POFUT2: variants seen among roughly 807,000 people sequenced by gnomAD.
The protein encoded by POFUT2 is GDP-fucose protein O-fucosyltransferase 2.
A neutral mutation model predicts 55.0 loss-of-function variants in POFUT2; 30 were observed. That is an observed-to-expected ratio of 0.55 (90% CI 0.41 to 0.74). The LOEUF (loss-of-function observed/expected upper bound fraction) is 0.74. Ranked by LOEUF, POFUT2 falls within the 30% of genes least tolerant of loss-of-function variation. The pLI is 0.00. For missense variants in POFUT2, 524 were observed against 562.6 expected (o/e 0.93, Z 0.69); for synonymous variants, 267 against 231.1 (o/e 1.16, Z -1.41).
chr21:45,283,319 G>T, intron 3 of POFUT2, 64 bp downstream of exon 3: 1 of 834,948 alleles, frequency 1.2e-6, no homozygotes, highest in Middle Eastern at 4.1e-4. Flanking sequence ...GGGGGGGGGG[G>T]GACGCATGCG....
intron 6 of POFUT2, among the ~76,000 whole-genome samples, chr21:45,275,958 G>A (rs1392445124): frequency 6.6e-6 from 1 of 152,218 alleles, no homozygotes; most frequent in African/African-American, 2.4e-5. Flanking sequence ...GGAGGCCAAG[G>A]CGGGTGGATT....
rs1451291814 is a variant in POFUT2 at position 45,281,699 on chromosome 21, T to C, written c.638+650A>G. Among the ~76,000 whole-genome samples, 2 of 151,858 alleles carry C rather than the reference T, an allele frequency of 1.3e-5. No individual in the cohort carries two copies. ...CCCGTGCCCTGCTATGCCTGGTCTA[T>C]GGGAGACGCTCACAGTGCCTGCTGG... is the stretch of plus-strand genomic sequence containing the variant. On this transcript the variant is annotated intron_variant, in intron 4 of 8. Transcript: ENST00000349485. This position sits in a 1 kb window ranked among gnomAD's most constrained non-coding sequence, Gnocchi z 5.0.
intron 1 of POFUT2, 124 bp downstream of exon 1, chr21:45,287,617 C>T (rs1472173882): frequency 1.2e-6 from 1 of 858,584 alleles, no homozygotes; most frequent in African/African-American, 2.0e-5. Flanking sequence ...CACCCTCCAT[C>T]CCGTGGGCCT....
At chr21:45,271,218 T>C (rs976555344) in intron 6 of POFUT2, among the ~76,000 whole-genome samples, 1 of 151,500 alleles carries the variant, frequency 6.6e-6, no homozygotes. Flanking sequence ...CAATTGCAAC[T>C]TCTGGAAATG....
rs112438803 is a variant in POFUT2, at chr21:45,277,362, G to A, written c.706-220C>T. 1,215 of 566,702 alleles carry A rather than the reference G, an allele frequency of 2.1e-3. 13 individuals carry two copies. The highest frequency in any genetic ancestry group is 0.021 in the African/African-American group (1,106 of 53,010). The allele number at this position is 566,702 out of a possible 1,614,324, so 35.1% of individuals were successfully genotyped here. ...GCAGGGCAAGCCGCCCACCCCTGCC[G>A]GCTCTGCCAGCCCCTGCCGTGGGAA... On this transcript the variant is annotated intron_variant, in intron 5 of 8. Transcript: ENST00000349485. The surrounding 1 kb of genome is among the most constrained non-coding windows in gnomAD (Gnocchi z 6.9).
At chr21:45,266,745 A>C in intron 8 of POFUT2, 1 of 997,848 alleles carries the variant, frequency 1.0e-6, no homozygotes, top group Non-Finnish European at 1.2e-6. Flanking sequence ...CAGATGTGTG[A>C]AGAGGCACCG....
chr21:45,279,540 C>A (rs80077970), intron 4 of POFUT2, among the ~76,000 whole-genome samples: 1 of 152,212 alleles, frequency 6.6e-6, no homozygotes, highest in Non-Finnish European at 1.5e-5. Context: ...GAAACACACA[C>A]GAACAGAGCA....
rs886421178 is a variant in POFUT2, at chr21:45,270,452, T to C, written c.832-433A>G. Among the ~76,000 whole-genome samples the C allele has an allele frequency of 7.9e-5, 12 of 152,120 alleles. No individual in the cohort carries two copies. Among genetic ancestry groups the C allele is most frequent in the Admixed American group, 6.5e-5 (1 of 15,278 alleles). On this transcript the variant is annotated intron_variant, in intron 6 of 8. Transcript: ENST00000349485. This position sits in a 1 kb window ranked among gnomAD's most constrained non-coding sequence, Gnocchi z 4.6. ...CCTGGCTGGAGGCCACCAACGCAAA[T>C]GGCTACAGCAAATTCTAACCAACAA...
intron 4 of POFUT2, among the ~76,000 whole-genome samples, chr21:45,280,419 G>A (rs1047191574): frequency 6.6e-6 from 1 of 152,174 alleles, no homozygotes. Flanking sequence ...GTGTTTTCCT[G>A]GTCCGGGGAG....
chr21:45,270,143 C>T lies in POFUT2; in HGVS notation c.832-124G>A. Reference sequence around the variant, plus strand: ...CCATGTGGCCTCCTCCACGGGGTGGCTCCAGGGCTGTCTAAGGGATTCAGG... The same window carrying T: ...CCATGTGGCCTCCTCCACGGGGTGGTTCCAGGGCTGTCTAAGGGATTCAGG... On this transcript the variant is annotated intron_variant, in intron 6 of 8. Transcript: ENST00000349485. This position sits in a 1 kb window ranked among gnomAD's most constrained non-coding sequence, Gnocchi z 4.6. 1.6e-6 allele frequency: 1 copy of T among 631,012 alleles called. No homozygotes were observed. The highest frequency in any genetic ancestry group is 3.3e-5 in the East Asian group (1 of 29,960). The allele number at this position is 631,012 out of a possible 1,614,324, so 39.1% of individuals were successfully genotyped here.
rs1376365836 is a variant in POFUT2, at chr21:45,285,853, G to A, written c.207C>T (p.Leu69=). ...CCTCCGTCTTCAGCAGAGTCTTCAGGAGAGAGGCGATTCGGATATAGACAT... is the reference window on the plus strand; with the variant it reads ...CCTCCGTCTTCAGCAGAGTCTTCAGAAGAGAGGCGATTCGGATATAGACAT... ...RRDVYIRIAS[L]LKTLLKTEEW... The change falls in exon 2 of 9, where the codon CTC becomes CTT. Residue 69 remains leucine, a synonymous_variant. Coordinates refer to ENST00000349485, the MANE Select transcript of POFUT2 (RefSeq NM_133635.6). The surrounding 1 kb of genome is among the most constrained non-coding windows in gnomAD (Gnocchi z 4.9). The A allele has an allele frequency of 1.9e-6, 3 of 1,613,386 alleles. No individual in the cohort carries two copies. Among genetic ancestry groups the A allele is most frequent in the East Asian group, 2.2e-5 (1 of 44,880 alleles).
rs967069161 is a variant in POFUT2, at chr21:45,267,063, C to G, written c.1136+527G>C. The G allele has an allele frequency of 6.4e-6, 7 of 1,099,980 alleles. No individual in the cohort carries two copies. The highest frequency in any genetic ancestry group is 7.8e-6 in the Non-Finnish European group (7 of 899,754). 68.1% of individuals were successfully genotyped at this position (1,099,980 alleles called of 1,614,324 possible). ...ACGAGAATGATCACACGAGGGCCCA[C>G]GCTCCCGGCCTCGGGGACGCTCACG... On this transcript the variant is annotated intron_variant, in intron 8 of 8. Transcript: ENST00000349485. The surrounding 1 kb of genome is among the most constrained non-coding windows in gnomAD (Gnocchi z 4.4).
chr21:45,265,411 G>T lies in POFUT2; in HGVS notation c.*71C>A. The T allele has an allele frequency of 7.1e-7, 1 of 1,399,590 alleles. No homozygotes were observed. Among genetic ancestry groups the T allele is most frequent in the East Asian group, 2.3e-5 (1 of 43,388 alleles). The allele number at this position is 1,399,590 out of a possible 1,614,324, so 86.7% of individuals were successfully genotyped here. ...CAGCTCCCGGCTGGCAGTAGACGGT[G>T]ACTCCACGGCGACAGAACCTGCATC... On this transcript the variant is annotated 3_prime_UTR_variant, in exon 9 of 9. Transcript: ENST00000349485. This position sits in a 1 kb window ranked among gnomAD's most constrained non-coding sequence, Gnocchi z 4.6.
chr21:45,278,501 C>T (rs1265878098), intron 4 of POFUT2, among the ~76,000 whole-genome samples: 1 of 152,142 alleles, frequency 6.6e-6, no homozygotes, highest in Admixed American at 6.5e-5. Flanking sequence ...AAGCTGCAGG[C>T]GTGCCTGAGG....
rs1193006551 is a variant in POFUT2, at chr21:45,267,258, ACT to A, written c.1136+330_1136+331del. 2.8e-6 allele frequency: 4 copies of A among 1,435,440 alleles called. No individual in the cohort carries two copies. Among genetic ancestry groups the A allele is most frequent in the East Asian group, 5.0e-5 (2 of 39,848 alleles). The allele number at this position is 1,435,440 out of a possible 1,614,324, so 88.9% of individuals were successfully genotyped here. A position where few individuals can be genotyped will look rare whatever the true frequency, so the allele number is the denominator to read the frequency against. On this transcript the variant is annotated intron_variant, in intron 8 of 8. Coordinates refer to ENST00000349485, the MANE Select transcript of POFUT2 (RefSeq NM_133635.6). The surrounding 1 kb of genome is among the most constrained non-coding windows in gnomAD (Gnocchi z 4.4). ...CATGCCCAAGTCCAGGGCACGGGCA[ACT>A]CTCAGGGCAGGGGGCAGACAGGGGC...
chr21:45,268,492 AGT>A (rs1456851922), intron 7 of POFUT2, among the ~76,000 whole-genome samples: 1 of 150,162 alleles, frequency 6.7e-6, no homozygotes, highest in African/African-American at 2.5e-5. Context: ...CAGTCTGGAA[AGT>A]GAGGAGCATC....
chr21:45,268,710 C>T (rs1298559569), intron 7 of POFUT2, among the ~76,000 whole-genome samples: 1 of 151,352 alleles, frequency 6.6e-6, no homozygotes, highest in African/African-American at 2.4e-5. Context: ...CTCTGCCCGG[C>T]CGCCCCGTCT....
chr21:45,270,327 C>T lies in POFUT2; in HGVS notation c.832-308G>A, dbSNP rs766035984. Among the ~76,000 whole-genome samples, 5 of 152,076 alleles carry T rather than the reference C, an allele frequency of 3.3e-5. No individual in the cohort carries two copies. Among genetic ancestry groups the T allele is most frequent in the Non-Finnish European group, 7.4e-5 (5 of 68,016 alleles). On this transcript the variant is annotated intron_variant, in intron 6 of 8. Transcript: ENST00000349485. This position sits in a 1 kb window ranked among gnomAD's most constrained non-coding sequence, Gnocchi z 4.6. ...TTTCCTCCGAGAACCACCGCAGGGA[C>T]GTGCCACAAAGAGTTCACGGATCCT...
At position 45,265,972 on chromosome 21, in the gene POFUT2, C is replaced by A; in HGVS notation, c.1137-337G>T. On this transcript the variant is annotated intron_variant, in intron 8 of 8. Coordinates refer to ENST00000349485, the MANE Select transcript of POFUT2 (RefSeq NM_133635.6). The surrounding 1 kb of genome is among the most constrained non-coding windows in gnomAD (Gnocchi z 4.6). ...CCAGGCCAGGCACGCCAGTGCAGGT[C>A]GAATACCTCCTGGGGGTCACATGGT... is the stretch of plus-strand genomic sequence containing the variant. 8.1e-7 allele frequency: 1 copy of A among 1,232,320 alleles called. No homozygotes were observed. The highest frequency in any genetic ancestry group is 1.0e-6 in the Non-Finnish European group (1 of 968,538). 76.3% of individuals were successfully genotyped at this position (1,232,320 alleles called of 1,614,324 possible). A position where few individuals can be genotyped will look rare whatever the true frequency, so the allele number is the denominator to read the frequency against.
Sources: gnomAD v4.1 joint callset for allele counts (sites outside exome capture counted in the v4.1 genomes callset) on GRCh38, gnomAD v4.1.1 for gene constraint, Gnocchi (gnomAD v3.1) non-coding constraint, MANE v1.5 for transcripts, NCBI Gene and HGNC (gene_info 2026-07-23, HGNC 2026-07-21) for gene names.